The following RAPH1 variants were observed in gnomAD, a reference collection of about 807,000 sequenced individuals.
The protein encoded by RAPH1 is Ras association (RalGDS/AF-6) and pleckstrin homology domains 1.
A neutral mutation model predicts 88.1 loss-of-function variants in RAPH1; 18 were observed. The observed-to-expected ratio is 0.20, with a 90% CI of 0.14 to 0.30. RAPH1 has a LOEUF of 0.30. Ranked by LOEUF, RAPH1 falls within the 10% of genes least tolerant of loss-of-function variation. The pLI, the probability that RAPH1 is intolerant of heterozygous loss-of-function variation, is 1.00. For missense variants in RAPH1, 1,448 were observed against 1,543.2 expected (o/e 0.94, Z 1.03); for synonymous variants, 587 against 559.0 (o/e 1.05, Z -0.71).
At chr2:203,526,616 T>C (rs1272141612) in intron 1 of RAPH1, among the ~76,000 whole-genome samples, 1 of 149,880 alleles carries the variant, frequency 6.7e-6, no homozygotes, top group Non-Finnish European at 1.5e-5. Context: ...TCCCAGCTAC[T>C]TGGGAGGCTG....
intron 1 of RAPH1, among the ~76,000 whole-genome samples, chr2:203,522,442 T>C (rs1559504221): frequency 6.6e-6 from 1 of 152,228 alleles, no homozygotes; most frequent in Non-Finnish European, 1.5e-5. Flanking sequence ...ATATGCCATC[T>C]TAATAGATTA....
chr2:203,520,654 A>G (rs1689826421), intron 1 of RAPH1, among the ~76,000 whole-genome samples: 2 of 151,768 alleles, frequency 1.3e-5, no homozygotes, highest in Non-Finnish European at 2.9e-5. Flanking sequence ...AAACTACAGA[A>G]CTCCTTATTT....
At position 203,441,055 on chromosome 2, in the gene RAPH1, G is replaced by A; in HGVS notation, c.2135C>T (p.Pro712Leu). ...LVPPNGVVPP[P>L]PPPPPPPTPG... ...GGTTGGGGGTGGAGGAGGGGGAGGG[G>A]GTGGTGGAACAACTCCATTGGGGGG... The change falls in exon 14 of 14, where the codon CCC becomes CTC. Residue 712 changes from proline to leucine, a missense_variant. Pro to Leu is a moderately conservative substitution (Grantham distance 98). Transcript: ENST00000319170. 1 of 1,432,108 alleles carries A rather than the reference G, an allele frequency of 7.0e-7. No homozygotes were observed. The highest frequency in any genetic ancestry group is 9.6e-7 in the Non-Finnish European group (1 of 1,042,154). The allele number at this position is 1,432,108 out of a possible 1,614,324, so 88.7% of individuals were successfully genotyped here.
In RAPH1 at chr2:203,440,011, G is replaced by A; in HGVS notation, c.3179C>T (p.Ser1060Phe). ...TGGAGGAGAAGGAAATTCCACCACG[G>A]AGTCCTTTCCACGCCCACTCAGAAC... Reference protein sequence around the residue: ...APVLSGRGKDSVVEFPSPPSD... With the variant: ...APVLSGRGKDFVVEFPSPPSD... Residue 1060 changes from serine (S) to phenylalanine (F), a missense_variant, in exon 14 of 14, where the codon TCC becomes TTC. Physicochemically the swap from Ser to Phe is radical, Grantham distance 155. Around this residue, in one of 2 missense-constraint regions of RAPH1, gnomAD observed 935 missense variants for 890.1 expected, o/e 1.05. Coordinates refer to ENST00000319170, the MANE Select transcript of RAPH1 (RefSeq NM_213589.3). 1 of 1,613,754 alleles carries A rather than the reference G, an allele frequency of 6.2e-7. No individual in the cohort carries two copies. The highest frequency in any genetic ancestry group is 8.5e-7 in the Non-Finnish European group (1 of 1,179,992).
At chr2:203,531,204 C>G (rs1008894407) in intron 1 of RAPH1, among the ~76,000 whole-genome samples, 2 of 149,618 alleles carry the variant, frequency 1.3e-5, no homozygotes, top group African/African-American at 2.5e-5. Context: ...AAAGCACAGA[C>G]AGAAGAAAAA....
chr2:203,505,555 G>A (rs1030587744), intron 1 of RAPH1, among the ~76,000 whole-genome samples: 3 of 152,086 alleles, frequency 2.0e-5, no homozygotes, highest in Admixed American at 6.6e-5. Flanking sequence ...ATACAATTTA[G>A]TTCAACGCTC....
At chr2:203,488,897 T>C (rs1281193038) in intron 4 of RAPH1, among the ~76,000 whole-genome samples, 2 of 151,900 alleles carry the variant, frequency 1.3e-5, no homozygotes, top group South Asian at 2.1e-4. Flanking sequence ...GCCAAGGCGG[T>C]TGGATCACCT....
At position 203,459,912 on chromosome 2, in the gene RAPH1, G is replaced by A; in HGVS notation, c.1087C>T (p.Pro363Ser). Residue 363 changes from proline (P) to serine (S), a missense_variant, in exon 7 of 14, where the codon CCA becomes TCA. Around this residue, in one of 2 missense-constraint regions of RAPH1, gnomAD observed 513 missense variants for 653.1 expected, o/e 0.79. Coordinates refer to ENST00000319170, the MANE Select transcript of RAPH1 (RefSeq NM_213589.3). Reference protein sequence around the residue: ...RIEKYALFKNPQNYLLGKKET... With the variant: ...RIEKYALFKNSQNYLLGKKET... Reference sequence around the variant, plus strand: ...TGTAAGTTGTTTGGTCTTACCTGTGGGTTTTTGAAAAGTGCATATTTTTCT... The same window carrying A: ...TGTAAGTTGTTTGGTCTTACCTGTGAGTTTTTGAAAAGTGCATATTTTTCT... The A allele has an allele frequency of 6.2e-7, 1 of 1,612,400 alleles. No homozygotes were observed. The highest frequency in any genetic ancestry group is 1.7e-5 in the Admixed American group (1 of 59,756).
At chr2:203,495,706 C>A (rs1688481982) in intron 1 of RAPH1, among the ~76,000 whole-genome samples, 1 of 152,054 alleles carries the variant, frequency 6.6e-6, no homozygotes, top group African/African-American at 2.4e-5. Context: ...CACCCAAACA[C>A]CACAAAGAAG....
At chr2:203,453,806 G>A (rs981436099) in intron 10 of RAPH1, among the ~76,000 whole-genome samples, 1 of 151,666 alleles carries the variant, frequency 6.6e-6, no homozygotes, top group African/African-American at 2.4e-5. Context: ...TTTGTATGTC[G>A]TTTTTATCAG....
At chr2:203,478,246 G>C (rs917493473) in intron 4 of RAPH1, among the ~76,000 whole-genome samples, 1 of 151,990 alleles carries the variant, frequency 6.6e-6, no homozygotes, top group Non-Finnish European at 1.5e-5. Context: ...GTGTTAGCTA[G>C]GATGGTCTCA....
At chr2:203,484,048 C>A (rs1478846662) in intron 4 of RAPH1, among the ~76,000 whole-genome samples, 2 of 152,066 alleles carry the variant, frequency 1.3e-5, no homozygotes, top group African/African-American at 4.8e-5. Context: ...GGGCTAATTT[C>A]CATAATAAAT....
chr2:203,510,140 TA>T (rs542666417), intron 1 of RAPH1, among the ~76,000 whole-genome samples: 80 of 152,176 alleles, frequency 5.3e-4, no homozygotes, highest in African/African-American at 1.8e-3. Context: ...CTCATAAATG[TA>T]AAATTCCTAG....
intron 1 of RAPH1, among the ~76,000 whole-genome samples, chr2:203,518,331 C>T (rs535539086): frequency 6.6e-6 from 1 of 152,092 alleles, no homozygotes; most frequent in South Asian, 2.1e-4. Flanking sequence ...GCCTGGCCAA[C>T]ATGGTGAAAC....
Position 203,455,466 on chromosome 2 carries a change from T to TA in RAPH1, c.1272dup (p.Ile425TyrfsTer64). 1 of 1,614,016 alleles carries TA rather than the reference T, an allele frequency of 6.2e-7. No individual in the cohort carries two copies. The highest frequency in any genetic ancestry group is 8.5e-7 in the Non-Finnish European group (1 of 1,179,934). On this transcript the variant is annotated frameshift_variant, in exon 9 of 14. Coordinates refer to ENST00000319170, the MANE Select transcript of RAPH1 (RefSeq NM_213589.3). LOFTEE classifies it high-confidence loss of function. Reference sequence around the variant, plus strand: ...GCTTTTCCTTTGGGAACATAGTAGATACCAGATGCTCGCAAGAGAAAATAA... The same window carrying TA: ...GCTTTTCCTTTGGGAACATAGTAGATAACCAGATGCTCGCAAGAGAAAATAA...
rs370379322 is a variant in RAPH1 at position 203,455,612 on chromosome 2, T to C, written c.1159-32A>G. On this transcript the variant is annotated intron_variant, in intron 8 of 13. Transcript: ENST00000319170. ...TAACAAGATTATTTGCAAAGACTTA[T>C]GATCGTTGGATTCTCAGAACAAAGT... The C allele has an allele frequency of 8.7e-6, 14 of 1,601,288 alleles. No homozygotes were observed. In the African/African-American group the frequency reaches 1.7e-4, roughly 20 times the overall value.
At chr2:203,453,906 A>C (rs2098516942) in intron 10 of RAPH1, among the ~76,000 whole-genome samples, 1 of 152,202 alleles carries the variant, frequency 6.6e-6, no homozygotes, top group Non-Finnish European at 1.5e-5. Context: ...AAAAGCTTGA[A>C]TAAAGAAGAA....
rs1204691088 is a variant in RAPH1, at chr2:203,439,762, G to A, written c.3428C>T (p.Thr1143Ile). ...CACTTGTGGCACAACTGTGGCCATT[G>A]TTGGCTGCTCAGAAATCTCAGCTTG... ...LTQAEISEQP[T>I]MATVVPQVPT... Residue 1143 changes from threonine to isoleucine, a missense_variant, in exon 14 of 14, where the codon ACA becomes ATA. Thr to Ile is a moderately conservative substitution (Grantham distance 89, BLOSUM62 -1). This residue lies in a region of RAPH1 where 935 missense variants were observed against 890.1 expected (regional missense o/e 1.05). Coordinates refer to ENST00000319170, the MANE Select transcript of RAPH1 (RefSeq NM_213589.3). 1.2e-6 allele frequency: 2 copies of A among 1,614,048 alleles called. No homozygotes were observed. The highest frequency in any genetic ancestry group is 1.7e-5 in the Admixed American group (1 of 60,004).
rs370510725 is a variant in RAPH1, at chr2:203,440,368, G to A, written c.2822C>T (p.Pro941Leu). The A allele has an allele frequency of 6.2e-7, 1 of 1,602,608 alleles. No individual in the cohort carries two copies. Among genetic ancestry groups the A allele is most frequent in the African/African-American group, 1.3e-5 (1 of 74,594 alleles). The part of the protein sequence containing the change: ...PPSPVPAPPP[P>L]PPPTASPTPD... The stretch of plus-strand genomic sequence containing the variant: ...GGTAGGAGAAGCTGTGGGTGGAGGT[G>A]GTGGTGGTGGGGCTGGGACAGGTGA... Residue 941 changes from proline to leucine, a missense_variant, in exon 14 of 14, where the codon CCA becomes CTA. By Grantham distance (98) the Pro-to-Leu change is moderately conservative. Around this residue, in one of 2 missense-constraint regions of RAPH1, gnomAD observed 935 missense variants for 890.1 expected, o/e 1.05. Coordinates refer to ENST00000319170, the MANE Select transcript of RAPH1 (RefSeq NM_213589.3).
Sources: gnomAD v4.1 joint callset for allele counts (sites outside exome capture counted in the v4.1 genomes callset) on GRCh38, gnomAD v4.1.1 for gene constraint, gnomAD v4.1.1 regional missense constraint, MANE v1.5 for transcripts, NCBI Gene and HGNC (gene_info 2026-07-23, HGNC 2026-07-21) for gene names.